The following ZNF385D variants were observed in gnomAD, a reference collection of about 807,000 sequenced individuals.
The protein encoded by ZNF385D is zinc finger protein 385D, also known as zinc finger protein 659.
In ZNF385D, 15 loss-of-function variants were observed where a neutral mutation model predicts 35.8. The ratio of observed to expected loss-of-function variants is 0.42; its 90% CI spans 0.28 to 0.64. The LOEUF is 0.64. Ranked by LOEUF, ZNF385D falls within the 30% of genes least tolerant of loss-of-function variation. The pLI, the probability that ZNF385D is intolerant of heterozygous loss-of-function variation, is 0.23. For synonymous variants in ZNF385D, 212 were observed against 186.8 expected (o/e 1.13, Z -1.10); for missense variants, 474 against 494.6 (o/e 0.96, Z 0.39).
chr3:21,905,246 T>C (rs1699621574), intron 3 of ZNF385D, among the ~76,000 whole-genome samples: 1 of 149,532 alleles, frequency 6.7e-6, no homozygotes, highest in Admixed American at 6.6e-5. Flanking sequence ...CCTGCCTTTA[T>C]TATTTTTAAT....
intron 3 of ZNF385D, among the ~76,000 whole-genome samples, chr3:21,889,317 G>T (rs1041036794): frequency 1.3e-5 from 2 of 152,210 alleles, no homozygotes; most frequent in African/African-American, 4.8e-5. Context: ...GAAGGGCAAG[G>T]AGACCTCAGA....
At chr3:21,448,958 A>C (rs1171470517) in intron 4 of ZNF385D, among the ~76,000 whole-genome samples, 1 of 152,166 alleles carries the variant, frequency 6.6e-6, no homozygotes, top group Non-Finnish European at 1.5e-5. Flanking sequence ...CGCTAATTTA[A>C]ACATTTAAAA....
rs1700526713 is a variant in ZNF385D, at chr3:21,413,903, T to C, written c.*7311A>G. 6.6e-6 allele frequency: 1 copy of C among 152,134 alleles called. No homozygotes were observed. The highest frequency in any genetic ancestry group is 1.5e-5 in the Non-Finnish European group (1 of 68,000). 9.4% of individuals were successfully genotyped at this position (152,134 alleles called of 1,614,324 possible). ...TCATGTTAGTAAATAGACATACTTATCACTCAATTTATTCGACAGTGTCTG... is the reference window on the plus strand; with the variant it reads ...TCATGTTAGTAAATAGACATACTTACCACTCAATTTATTCGACAGTGTCTG... On this transcript the variant is annotated 3_prime_UTR_variant, in exon 8 of 8. Coordinates refer to ENST00000281523, the MANE Select transcript of ZNF385D (RefSeq NM_024697.3).
In ZNF385D at chr3:21,421,196, A is replaced by G. The variant is rs1165669333; in HGVS notation, c.*18T>C. ...TTTTTTGAAAAATTATTGCAGTACA[A>G]TTACTCCTATTTGGAATTTAGTAAG... is the stretch of plus-strand genomic sequence containing the variant. On this transcript the variant is annotated 3_prime_UTR_variant, in exon 8 of 8. Transcript: ENST00000281523. 3 of 1,600,684 alleles carry G rather than the reference A, an allele frequency of 1.9e-6. No individual in the cohort carries two copies. The highest frequency in any genetic ancestry group is 2.6e-6 in the Non-Finnish European group (3 of 1,168,358).
At chr3:21,548,876 C>G (rs13068431) in intron 3 of ZNF385D, among the ~76,000 whole-genome samples, 21,946 of 152,150 alleles carry the variant, frequency 0.14, 1,607 homozygotes, top group East Asian at 0.17. Flanking sequence ...AGCCTATTGC[C>G]CTTGAAAAAG....
intron 2 of ZNF385D, among the ~76,000 whole-genome samples, chr3:22,310,664 T>C (rs1449088870): frequency 6.6e-6 from 1 of 151,940 alleles, no homozygotes; most frequent in African/African-American, 2.4e-5. Flanking sequence ...TAAACTTTTA[T>C]CAGTTCTCTT....
chr3:22,005,056 C>CAAAAA (rs71044965), intron 3 of ZNF385D, among the ~76,000 whole-genome samples: 3 of 57,354 alleles, frequency 5.2e-5, no homozygotes, highest in African/African-American at 1.2e-4. Context: ...CACTCAGCAG[C>CAAAAA]AAAAAAAAAA....
At chr3:21,497,128 T>G (rs1575051908) in intron 4 of ZNF385D, among the ~76,000 whole-genome samples, 1 of 152,116 alleles carries the variant, frequency 6.6e-6, no homozygotes, top group South Asian at 2.1e-4. Context: ...TTGCAGATGA[T>G]ATGATCCTGT....
At chr3:22,358,591 A>G (rs894505227) in intron 2 of ZNF385D, among the ~76,000 whole-genome samples, 1 of 151,858 alleles carries the variant, frequency 6.6e-6, no homozygotes, top group African/African-American at 2.4e-5. Flanking sequence ...GCATTGGGAC[A>G]GTAATCCTTT....
chr3:22,007,705 T>C (rs999825338), intron 3 of ZNF385D, among the ~76,000 whole-genome samples: 1 of 152,170 alleles, frequency 6.6e-6, no homozygotes, highest in South Asian at 2.1e-4. Context: ...TAATTCAGTA[T>C]AGTTTTAGTT....
chr3:22,235,352 A>C (rs927062452), intron 2 of ZNF385D, among the ~76,000 whole-genome samples: 2 of 152,096 alleles, frequency 1.3e-5, no homozygotes, highest in African/African-American at 4.8e-5. Context: ...TGTGTTTGTA[A>C]TACTGAAAGA....
At chr3:22,112,848 A>G (rs1019511086) in intron 3 of ZNF385D, among the ~76,000 whole-genome samples, 2 of 152,050 alleles carry the variant, frequency 1.3e-5, no homozygotes, top group South Asian at 2.1e-4. Context: ...TGGGGGGGAA[A>G]AAAAACAGAA....
In ZNF385D at chr3:21,982,642, C is replaced by G. The variant is rs111752157; in HGVS notation, c.325+186175G>C. ...TGTGTTGAACAAAAGTGGTGACAGA[C>G]AGCATACTTGTCTTGAGCTGGTATT... On this transcript the variant is annotated intron_variant, in intron 3 of 5. Transcript: ENST00000494108. 1.3e-4 allele frequency among the ~76,000 whole-genome samples: 20 copies of G among 152,204 alleles called. 1 individual carries two copies. Among genetic ancestry groups the G allele is most frequent in the African/African-American group, 4.1e-4 (17 of 41,550 alleles).
At chr3:22,179,023 C>T (rs1194306530) in intron 2 of ZNF385D, among the ~76,000 whole-genome samples, 1 of 152,074 alleles carries the variant, frequency 6.6e-6, no homozygotes, top group African/African-American at 2.4e-5. Flanking sequence ...CAGCGTGATG[C>T]CTCCAGCTTT....
intron 2 of ZNF385D, among the ~76,000 whole-genome samples, chr3:21,645,160 G>C (rs908377333): frequency 6.6e-6 from 1 of 152,276 alleles, no homozygotes; most frequent in East Asian, 1.9e-4. Flanking sequence ...TACTATATCA[G>C]GTTATTTTGC....
intron 3 of ZNF385D, among the ~76,000 whole-genome samples, chr3:22,028,888 C>T (rs940326356): frequency 3.2e-4 from 48 of 152,176 alleles, no homozygotes; most frequent in South Asian, 1.0e-3. Flanking sequence ...AGGGCTGGGG[C>T]AAAGTTCTCT....
intron 3 of ZNF385D, among the ~76,000 whole-genome samples, chr3:22,103,214 A>ATTT (rs34216046): frequency 0.012 from 1,750 of 147,524 alleles, 17 homozygotes; most frequent in Middle Eastern, 0.05. Context: ...CCCTGGGGCC[A>ATTT]TTTTTTTTTT....
At chr3:21,758,400 G>A (rs1575599527) in intron 3 of ZNF385D, among the ~76,000 whole-genome samples, 1 of 152,148 alleles carries the variant, frequency 6.6e-6, no homozygotes, top group Non-Finnish European at 1.5e-5. Flanking sequence ...TGTTGTGGAA[G>A]GAGACAATGG....
intron 2 of ZNF385D, among the ~76,000 whole-genome samples, chr3:22,354,447 T>G (rs140163177): frequency 6.6e-6 from 1 of 152,156 alleles, no homozygotes; most frequent in African/African-American, 2.4e-5. Flanking sequence ...AGAGACACAG[T>G]CAAATACCTT....
Sources: allele counts gnomAD v4.1 joint callset (sites outside exome capture counted in the v4.1 genomes callset), GRCh38; gene constraint gnomAD v4.1.1; transcripts MANE v1.5; gene names NCBI Gene and HGNC (gene_info 2026-07-23, HGNC 2026-07-21).